The following CDH3 variants were observed in gnomAD, a reference collection of about 807,000 sequenced individuals.
The protein encoded by CDH3 is cadherin 3, also known as cadherin-3.
Under a neutral mutation model 82.0 loss-of-function variants are expected in CDH3, and 54 were observed. The ratio of observed to expected loss-of-function variants is 0.66; its 90% confidence interval spans 0.53 to 0.83. The LOEUF is 0.83. Among genes scored for constraint, CDH3 ranks in the 40% least tolerant of loss-of-function variants. The pLI is 0.00. For missense variants in CDH3, 1,054 were observed against 1,084.6 expected, an observed-to-expected ratio of 0.97 and a Z score of 0.40; for synonymous variants, 446 against 437.9, an observed-to-expected ratio of 1.02 and a Z score of -0.23.
chr16:68,665,128 G>A (rs937943860), intron 2 of CDH3, among the ~76,000 whole-genome samples: 3 of 152,074 alleles, frequency 2.0e-5, no homozygotes, highest in Non-Finnish European at 1.5e-5. Flanking sequence ...GCACAACACA[G>A]CTGGGCACAG....
chr16:68,715,192 G>T (rs1962078709), intron 1 of CDH3, among the ~76,000 whole-genome samples: 2 of 152,060 alleles, frequency 1.3e-5, no homozygotes, highest in Admixed American at 6.6e-5. Flanking sequence ...TTGGAAGGCT[G>T]AGGTGAGCAG....
intron 1 of CDH3, among the ~76,000 whole-genome samples, chr16:68,713,614 G>A (rs923208066): frequency 8.5e-5 from 13 of 152,114 alleles, no homozygotes; most frequent in Middle Eastern, 3.4e-3. Context: ...TTTCCGGAAC[G>A]CAGATCCCAT....
intron 2 of CDH3, among the ~76,000 whole-genome samples, chr16:68,672,630 C>T (rs147770118): frequency 6.4e-4 from 98 of 152,296 alleles, no homozygotes; most frequent in African/African-American, 2.3e-3. Context: ...GATCTCCTTT[C>T]CCCTTCCTCC....
intron 2 of CDH3, among the ~76,000 whole-genome samples, chr16:68,667,120 AT>A (rs1440326121): frequency 6.6e-6 from 1 of 152,042 alleles, no homozygotes; most frequent in South Asian, 2.1e-4. Context: ...TTTAATTTGT[AT>A]TTCTTAGTTG....
chr16:68,679,685 A>G, intron 6 of CDH3, 114 bp from the exon 7 acceptor site: 7 of 623,948 alleles, frequency 1.1e-5, no homozygotes, highest in Non-Finnish European at 1.8e-5. Flanking sequence ...ATAGAGTGAG[A>G]CTTCATCTCA....
chr16:68,696,044 C>A (rs1231015526), intron 15 of CDH3, 121 bp downstream of exon 15: 1 of 1,036,144 alleles, frequency 9.7e-7, no homozygotes, highest in African/African-American at 1.6e-5. Flanking sequence ...CCACCACCAA[C>A]CAGCTTTTGA....
At chr16:68,693,461 C>A (rs573802975) in intron 13 of CDH3, among the ~76,000 whole-genome samples, 29 of 152,172 alleles carry the variant, frequency 1.9e-4, no homozygotes, top group South Asian at 4.1e-4. Flanking sequence ...TAGGGTAAGA[C>A]CCATGGATGA....
chr16:68,730,327 G>T (rs1288139179), downstream of CDH3, among the ~76,000 whole-genome samples: 3 of 150,822 alleles, frequency 2.0e-5, no homozygotes, highest in African/African-American at 4.9e-5. Flanking sequence ...GGGAGTTGGA[G>T]ACCTGCCTGA....
chr16:68,713,926 T>TTAA (rs1962063160), intron 1 of CDH3, among the ~76,000 whole-genome samples: 1 of 150,574 alleles, frequency 6.6e-6, no homozygotes, highest in African/African-American at 2.4e-5. Flanking sequence ...CTATTTATTA[T>TTAA]TATTATTATT....
Position 68,697,841 on chromosome 16 carries a change from A to G in CDH3, c.2281-350A>G, listed in dbSNP as rs1209333274. ...TCCCGAGGCTGTGTCACAGGCATGC[A>G]TCCTTTAAAAAAGGAAGAAAAAAAC... On this transcript the variant is annotated intron_variant, in intron 15 of 15. Transcript: ENST00000264012. Among the ~76,000 whole-genome samples, 4 of 152,216 alleles carry G rather than the reference A, an allele frequency of 2.6e-5. No homozygotes were observed. The East Asian group carries it at 5.8e-4, about 22-fold the overall frequency.
At chr16:68,732,526 ACAGGGTCTCTTATCTATCTG>A in the CDH3 span, among the ~76,000 whole-genome samples, 1 of 152,220 alleles carries the variant, frequency 6.6e-6, no homozygotes, top group Non-Finnish European at 1.5e-5. Context: ...CTGCCAGGTG[ACAGGGTCTCTTATCTATCTG>A]CGGTGATCTG....
chr16:68,674,462 G>T (rs951611009), intron 2 of CDH3, among the ~76,000 whole-genome samples: 2 of 152,142 alleles, frequency 1.3e-5, no homozygotes, highest in Admixed American at 1.3e-4. Flanking sequence ...GCCAGGCATG[G>T]TGGCTCGTAT....
In CDH3 at chr16:68,654,380, A is replaced by ATTT. The variant is rs1176713669; in HGVS notation, c.160+8666_160+8668dup. Among the ~76,000 whole-genome samples, 12 of 48,528 alleles carry ATTT rather than the reference A, an allele frequency of 2.5e-4. 2 individuals are homozygous for ATTT. Among genetic ancestry groups the ATTT allele is most frequent in the African/African-American group, 3.9e-4 (4 of 10,316 alleles). 31.8% of individuals were successfully genotyped at this position (48,528 alleles called of 152,430 possible). A position where few individuals can be genotyped will look rare whatever the true frequency, so the allele number is the denominator to read the frequency against. On this transcript the variant is annotated intron_variant, in intron 2 of 15. Transcript: ENST00000264012. ...GGCCTTTTTCTTAATTTTTAAATTAATTTTTTTTTTTTTTTTTTTTTTTTT... is the reference window on the plus strand; with the variant it reads ...GGCCTTTTTCTTAATTTTTAAATTAATTTTTTTTTTTTTTTTTTTTTTTTTTTT...
chr16:68,682,413 G>T lies in CDH3; in HGVS notation c.1108G>T (p.Gly370Cys). 6.2e-7 allele frequency: 1 copy of T among 1,614,118 alleles called. No individual in the cohort carries two copies. Among genetic ancestry groups the T allele is most frequent in the Non-Finnish European group, 8.5e-7 (1 of 1,180,040 alleles). The stretch of plus-strand genomic sequence containing the variant: ...GTGGCGTGCCACCTACCTTATCATG[G>T]GCGGTGACGACGGGGACCATTTTAC... ...PAWRATYLIM[G>C]GDDGDHFTIT... is the part of the protein sequence containing the mutation. The change falls in exon 9 of 16, where the codon GGC becomes TGC. Residue 370 changes from glycine (G) to cysteine (C), a missense_variant. Gly to Cys is a radical substitution (Grantham distance 159, BLOSUM62 -3). Coordinates refer to ENST00000264012, the MANE Select transcript of CDH3 (RefSeq NM_001793.6).
chr16:68,710,945 GGAGGA>G (rs1287519496), intron 1 of CDH3, among the ~76,000 whole-genome samples: 2 of 121,026 alleles, frequency 1.7e-5, no homozygotes, highest in Non-Finnish European at 3.5e-5. Flanking sequence ...GGAGGGGAGG[GGAGGA>G]GAGGGGAGGG....
At chr16:68,731,543 T>C (rs71384735), downstream of CDH3, among the ~76,000 whole-genome samples, 37,268 of 65,654 alleles carry the variant, frequency 0.57, 8,484 homozygotes, top group Non-Finnish European at 0.61. Context: ...CACACACATA[T>C]ATATATATAC....
intron 13 of CDH3, 101 bp from the exon 14 acceptor site, chr16:68,695,154 C>T: frequency 8.1e-7 from 1 of 1,234,176 alleles, no homozygotes; most frequent in South Asian, 1.2e-5. Flanking sequence ...GCTCTGGCTA[C>T]TGAGTGAGGA....
intron 15 of CDH3, among the ~76,000 whole-genome samples, chr16:68,697,164 A>G (rs1242944081): frequency 1.3e-5 from 2 of 151,962 alleles, no homozygotes; most frequent in African/African-American, 4.8e-5. Flanking sequence ...CTCTACTAAA[A>G]ATACAAAAAA....
intron 2 of CDH3, among the ~76,000 whole-genome samples, chr16:68,669,616 CGG>C (rs10590233): frequency 0.21 from 26,919 of 125,474 alleles, 2,983 homozygotes; most frequent in African/African-American, 0.36. Flanking sequence ...GGTGGGGTGG[CGG>C]GGGGGGTGGG....
Sources: allele counts gnomAD v4.1 joint callset (sites outside exome capture counted in the v4.1 genomes callset), GRCh38; gene constraint gnomAD v4.1.1; transcripts MANE v1.5; gene names NCBI Gene and HGNC (gene_info 2026-07-23, HGNC 2026-07-21).